KIFC3: variants seen among roughly 807,000 people sequenced by gnomAD.
KIFC3 encodes the protein kinesin-like protein KIFC3.
In KIFC3, 60 loss-of-function variants were observed where a neutral mutation model predicts 101.8. The observed-to-expected ratio is 0.59, with a 90% CI of 0.48 to 0.73. The LOEUF is 0.73. KIFC3 is among the 30% of genes least tolerant of loss of function. KIFC3 has a pLI of 0.00. For missense variants in KIFC3, 966 were observed against 1,137.1 expected, an observed-to-expected ratio of 0.85 and a Z score of 2.16; for synonymous variants, 476 against 482.7, an observed-to-expected ratio of 0.99 and a Z score of 0.18.
chr16:57,761,294 C>G, intron 14 of KIFC3, 119 bp downstream of exon 14: 4 of 1,580,408 alleles, frequency 2.5e-6, no homozygotes, highest in Non-Finnish European at 3.5e-6. Flanking sequence ...AACTGAGGCT[C>G]AGAGAGGCGT....
chr16:57,764,969 A>G (rs1324957062), intron 11 of KIFC3, among the ~76,000 whole-genome samples: 1 of 150,094 alleles, frequency 6.7e-6, no homozygotes. Flanking sequence ...CTGTGATGGT[A>G]GGAGGGGCCT....
In KIFC3 at chr16:57,770,618, TG is replaced by T; in HGVS notation, c.847del (p.Gln283ArgfsTer11). 1.3e-6 allele frequency: 2 copies of T among 1,547,388 alleles called. No homozygotes were observed. The highest frequency in any genetic ancestry group is 1.2e-5 in the South Asian group (1 of 82,942). ...CTGCCTCTGCATAGCCACCTGCTCCTGCAGGTGCTGGTTCCGGGCCTGGGAC... is the reference window on the plus strand; with the variant it reads ...CTGCCTCTGCATAGCCACCTGCTCCTCAGGTGCTGGTTCCGGGCCTGGGAC... ...SESQARNQHL[Q>X]EQVAMQRQVL... On this transcript the variant is annotated frameshift_variant, in exon 7 of 20. Coordinates refer to ENST00000445690, the MANE Select transcript of KIFC3 (RefSeq NM_001130100.2). LOFTEE classifies it high-confidence loss of function.
chr16:57,816,572 G>GGAGGAATGTT (rs1327342960), intron 1 of KIFC3: 4 of 456,584 alleles, frequency 8.8e-6, no homozygotes, highest in Non-Finnish European at 1.8e-5. Context: ...TCTGAGTGGC[G>GGAGGAATGTT]GAGGAATGTT....
chr16:57,763,707 T>G (rs1349784970), intron 12 of KIFC3, among the ~76,000 whole-genome samples: 1 of 152,102 alleles, frequency 6.6e-6, no homozygotes, highest in Non-Finnish European at 1.5e-5. Flanking sequence ...CACAACAGCC[T>G]TCATATGCCA....
intron 1 of KIFC3, among the ~76,000 whole-genome samples, chr16:57,862,106 G>A (rs1415469250): frequency 6.6e-6 from 1 of 151,850 alleles, no homozygotes; most frequent in African/African-American, 2.4e-5. Context: ...GCTACTCCCT[G>A]GGAGCTTTTT....
exon 1 of KIFC3, chr16:57,862,793 G>A (rs1959376067): frequency 1.6e-6 from 2 of 1,289,516 alleles, no homozygotes; most frequent in South Asian, 2.5e-5. Flanking sequence ...CTTCCATGCA[G>A]CTGTCAGAGT....
chr16:57,773,552 G>C (rs1368900762), intron 3 of KIFC3, among the ~76,000 whole-genome samples: 2 of 152,192 alleles, frequency 1.3e-5, no homozygotes, highest in African/African-American at 4.8e-5. Flanking sequence ...TGTAATCCGG[G>C]GGGTTAGGTG....
chr16:57,801,061 A>G lies in KIFC3; in HGVS notation c.-40+1309T>C, dbSNP rs550022477. ...GATTAGACAAGGCCAAGTGTTCAGA[A>G]CAATACTGGCATATACAAAGAGCTC... On this transcript the variant is annotated intron_variant, in intron 1 of 19. Transcript: ENST00000445690. 2.0e-5 allele frequency among the ~76,000 whole-genome samples: 3 copies of G among 152,378 alleles called. No homozygotes were observed. In the South Asian group the frequency reaches 6.2e-4, roughly 32 times the overall value.
At chr16:57,817,237 T>C (rs1413398588) in intron 1 of KIFC3, among the ~76,000 whole-genome samples, 1 of 152,018 alleles carries the variant, frequency 6.6e-6, no homozygotes, top group Non-Finnish European at 1.5e-5. Context: ...TAGGAGCCTG[T>C]AGTCCCAGCT....
At position 57,798,085 on chromosome 16, in the gene KIFC3, C is replaced by T; in HGVS notation, c.159G>A (p.Gly53=). The T allele has an allele frequency of 6.3e-7, 1 of 1,592,616 alleles. No homozygotes were observed. Among genetic ancestry groups the T allele is most frequent in the Non-Finnish European group, 8.5e-7 (1 of 1,169,978 alleles). ...AARPFPHTGP[G]RLRTGRGKDT... ...ATGCGGACTCACCAGTTCTCAACCT[C>T]CCCGGGCCGGTGTGTGGGAAAGGGC... Residue 53 remains glycine (G), a synonymous_variant, in exon 2 of 20, where the codon GGG becomes GGA. Coordinates refer to ENST00000445690, the MANE Select transcript of KIFC3 (RefSeq NM_001130100.2).
intron 1 of KIFC3, among the ~76,000 whole-genome samples, chr16:57,850,111 T>C (rs1333914642): frequency 2.6e-5 from 4 of 151,456 alleles, no homozygotes; most frequent in Non-Finnish European, 5.9e-5. Context: ...TAAATAGTAA[T>C]AATAAAAGCC....
rs1352346042 is a variant in KIFC3 at position 57,769,403 on chromosome 16, C to A, written c.1218+192G>T. ...AAAGAATCATAGTAAGACAAATAGC[C>A]GAATGCCTGCCCTGAGCAGTCTAGT... On this transcript the variant is annotated intron_variant, in intron 9 of 19. Transcript: ENST00000445690. This position sits in a 1 kb window ranked among gnomAD's most constrained non-coding sequence, Gnocchi z 4.3. Among the ~76,000 whole-genome samples the A allele has an allele frequency of 6.6e-6, 1 of 152,170 alleles. No homozygotes were observed.
At chr16:57,770,091 C>T in intron 7 of KIFC3, 136 bp from the exon 8 acceptor site, 3 of 1,119,042 alleles carry the variant, frequency 2.7e-6, no homozygotes, top group Non-Finnish European at 3.7e-6. Context: ...CCCAGAGGGG[C>T]AGAATGGCCT....
At chr16:57,812,565 C>T (rs1337608180) in intron 1 of KIFC3, among the ~76,000 whole-genome samples, 3 of 152,140 alleles carry the variant, frequency 2.0e-5, no homozygotes, top group African/African-American at 7.2e-5. Flanking sequence ...TGCTTGCCTT[C>T]CTCAGAGCGG....
chr16:57,800,726 A>G (rs1277973083), intron 1 of KIFC3, among the ~76,000 whole-genome samples: 2 of 152,202 alleles, frequency 1.3e-5, no homozygotes, highest in African/African-American at 2.4e-5. Flanking sequence ...TAGATCCCGA[A>G]GAGGAAAAAG....
Position 57,758,244 on chromosome 16 carries a change from A to ATAAGT in KIFC3, c.*685_*689dup, listed in dbSNP as rs1567909712. The ATAAGT allele has an allele frequency of 9.7e-5, 22 of 227,602 alleles. No homozygotes were observed. The South Asian group carries it at 1.2e-3, about 12-fold the overall frequency. 14.1% of individuals were successfully genotyped at this position (227,602 alleles called of 1,614,324 possible). ...GTGTAAAAAGGCTTCTTTTATTTTA[A>ATAAGT]TAAGTAAAAATGGCTAAGCTTCCAA... On this transcript the variant is annotated 3_prime_UTR_variant, in exon 20 of 20. Coordinates refer to ENST00000445690, the MANE Select transcript of KIFC3 (RefSeq NM_001130100.2).
intron 1 of KIFC3, among the ~76,000 whole-genome samples, chr16:57,852,629 T>C (rs1281819406): frequency 6.6e-6 from 1 of 152,184 alleles, no homozygotes; most frequent in Non-Finnish European, 1.5e-5. Flanking sequence ...TTCATTTGGG[T>C]TCAGGAAGGG....
At position 57,769,467 on chromosome 16, in the gene KIFC3, G is replaced by A. The variant is rs916876386; in HGVS notation, c.1218+128C>T. Reference sequence around the variant, plus strand: ...TATAAGGGCAGCAGTAAGTGTCATGGGGGGTGGGGCAGGGGCTGCTGTCTG... The same window carrying A: ...TATAAGGGCAGCAGTAAGTGTCATGAGGGGTGGGGCAGGGGCTGCTGTCTG... On this transcript the variant is annotated intron_variant, in intron 9 of 19. Transcript: ENST00000445690. The surrounding 1 kb of genome is among the most constrained non-coding windows in gnomAD (Gnocchi z 4.3). 5.0e-5 allele frequency: 59 copies of A among 1,177,174 alleles called. 1 individual carries two copies. In the Admixed American group the frequency reaches 1.4e-3, roughly 28 times the overall value. The allele number at this position is 1,177,174 out of a possible 1,614,324, so 72.9% of individuals were successfully genotyped here.
At chr16:57,774,859 C>T in intron 3 of KIFC3, 1 of 1,362,116 alleles carries the variant, frequency 7.3e-7, no homozygotes, top group Non-Finnish European at 9.5e-7. Flanking sequence ...ATACGTAATT[C>T]CTACTCTCCC....
Sources: gnomAD v4.1 joint callset for allele counts (sites outside exome capture counted in the v4.1 genomes callset) on GRCh38, gnomAD v4.1.1 for gene constraint, Gnocchi (gnomAD v3.1) non-coding constraint, MANE v1.5 for transcripts, NCBI Gene and HGNC (gene_info 2026-07-23, HGNC 2026-07-21) for gene names.